The following UNKL variants were observed in gnomAD, a reference collection of about 807,000 sequenced individuals.
UNKL encodes putative E3 ubiquitin-protein ligase UNKL.
A neutral mutation model predicts 78.0 loss-of-function variants in UNKL; 60 were observed. That is an observed-to-expected ratio of 0.77 (90% CI 0.63 to 0.95). The LOEUF is 0.95. UNKL is among the 40% of genes least tolerant of loss of function. The pLI, the probability that UNKL is intolerant of heterozygous loss-of-function variation, is 0.00. For synonymous variants in UNKL, 608 were observed against 474.8 expected (o/e 1.28, Z -3.65); for missense variants, 1,159 against 1,045.7 (o/e 1.11, Z -1.49).
intron 2 of UNKL, among the ~76,000 whole-genome samples, chr16:1,412,523 A>G (rs1200145134): frequency 2.0e-5 from 3 of 152,212 alleles, no homozygotes; most frequent in Non-Finnish European, 4.4e-5. Context: ...GAGGCAGGTC[A>G]CTTAAACCTG....
intron 10 of UNKL, chr16:1,379,793 C>T (rs986653993): frequency 2.5e-6 from 2 of 806,274 alleles, no homozygotes; most frequent in African/African-American, 3.7e-5. Flanking sequence ...CAACCTTCCC[C>T]CCGACTCGGG....
At chr16:1,393,618 G>A (rs530231289) in intron 7 of UNKL, among the ~76,000 whole-genome samples, 1 of 152,202 alleles carries the variant, frequency 6.6e-6, no homozygotes, top group South Asian at 2.1e-4. Flanking sequence ...GACAGCAAAC[G>A]GGCTCTGGAA....
At chr16:1,368,608 C>CA (rs757374554) in intron 12 of UNKL, among the ~76,000 whole-genome samples, 22,071 of 42,104 alleles carry the variant, frequency 0.52, 8,098 homozygotes, top group Non-Finnish European at 0.63. Context: ...GACTCCGTCT[C>CA]AAAAAAAAAA....
chr16:1,383,894 C>T (rs764998881), intron 10 of UNKL: 4 of 400,268 alleles, frequency 1.0e-5, no homozygotes, highest in South Asian at 6.9e-5. Flanking sequence ...ACACCCTGCA[C>T]AGCAGAGGAT....
At chr16:1,369,975 C>A (rs372365016) in intron 12 of UNKL, 155 bp downstream of exon 12, 8 of 1,550,468 alleles carry the variant, frequency 5.2e-6, no homozygotes, top group Non-Finnish European at 6.1e-6. Flanking sequence ...ACTCGGTCTG[C>A]GGCGTGGGGG....
rs1200538192 is a variant in UNKL at position 1,366,345 on chromosome 16, G to C, written c.2097C>G (p.Ala699=). ...AKQCVACRER[A]HGAVLRPCQH... ...GACAGGGCCGCAGGACAGCACCGTG[G>C]GCCCGCTCCCGGCAGGCCACACACT... Residue 699 remains alanine, a synonymous_variant, in exon 15 of 15, where the codon GCC becomes GCG. Transcript: ENST00000389221. 1 of 1,604,764 alleles carries C rather than the reference G, an allele frequency of 6.2e-7. No homozygotes were observed. The highest frequency in any genetic ancestry group is 1.3e-5 in the African/African-American group (1 of 74,808).
At chr16:1,370,728 T>C (rs2035743027) in intron 11 of UNKL, among the ~76,000 whole-genome samples, 1 of 152,204 alleles carries the variant, frequency 6.6e-6, no homozygotes, top group African/African-American at 2.4e-5. Flanking sequence ...TACTTTCTTT[T>C]AAAAGAAAGA....
intron 10 of UNKL, among the ~76,000 whole-genome samples, chr16:1,384,443 T>A (rs2142086381): frequency 6.6e-6 from 1 of 152,058 alleles, no homozygotes; most frequent in African/African-American, 2.4e-5. Flanking sequence ...CCCAGCACCA[T>A]CACGTGTCTC....
chr16:1,402,143 T>C (rs1279784211), intron 3 of UNKL, among the ~76,000 whole-genome samples: 5 of 152,206 alleles, frequency 3.3e-5, no homozygotes, highest in African/African-American at 1.2e-4. Flanking sequence ...TTCGTTCTCC[T>C]GGAAAGCAGC....
intron 2 of UNKL, among the ~76,000 whole-genome samples, chr16:1,410,550 T>A (rs557646192): frequency 6.6e-6 from 1 of 152,198 alleles, no homozygotes; most frequent in South Asian, 2.1e-4. Context: ...GAGGTTGCGG[T>A]GAGCCGAGAT....
chr16:1,367,286 C>T lies in UNKL; in HGVS notation c.1852G>A (p.Asp618Asn), dbSNP rs767711461. 14 of 1,564,416 alleles carry T rather than the reference C, an allele frequency of 8.9e-6. No homozygotes were observed. Among genetic ancestry groups the T allele is most frequent in the East Asian group, 2.4e-5 (1 of 42,098 alleles). ...TTCTTCTGCAGCGCCAGCTGCCGGTCGCTATCGGCCACACGGGCACGCTCC... is the reference window on the plus strand; with the variant it reads ...TTCTTCTGCAGCGCCAGCTGCCGGTTGCTATCGGCCACACGGGCACGCTCC... ...AKERARVADSDRQLALQKKEE... is the reference protein window; with the variant it reads ...AKERARVADSNRQLALQKKEE... The change falls in exon 14 of 15, where the codon GAC becomes AAC. Residue 618 changes from aspartate (D) to asparagine (N), a missense_variant. Asp to Asn is a conservative substitution (Grantham distance 23). Coordinates refer to ENST00000389221, the MANE Select transcript of UNKL (RefSeq NM_001372107.1).
chr16:1,369,783 C>A (rs1007835771), intron 12 of UNKL: 3 of 705,130 alleles, frequency 4.3e-6, no homozygotes, highest in African/African-American at 3.6e-5. Context: ...GAGACCGGCC[C>A]GGCCAGCGTG....
intron 10 of UNKL, among the ~76,000 whole-genome samples, chr16:1,374,196 G>GCGGCACACCACACA (rs1394486370): frequency 1.3e-5 from 2 of 149,796 alleles, no homozygotes; most frequent in African/African-American, 5.1e-5. Flanking sequence ...TCAGCAGCGT[G>GCGGCACACCACACA]GGGCACACCA....
At position 1,370,822 on chromosome 16, in the gene UNKL, G is replaced by A. The variant is rs376921508; in HGVS notation, c.1358-465C>T. Among the ~76,000 whole-genome samples the A allele has an allele frequency of 2.6e-4, 39 of 152,350 alleles. No individual in the cohort carries two copies. The South Asian group carries it at 7.0e-3, about 28-fold the overall frequency. On this transcript the variant is annotated intron_variant, in intron 11 of 14. Coordinates refer to ENST00000389221, the MANE Select transcript of UNKL (RefSeq NM_001372107.1). ...TATGGGGCCGGGCGCACTGGCTCAC[G>A]CCTGTAATCCCAGCACTTTGGGAGG... is the stretch of plus-strand genomic sequence containing the variant.
In UNKL at chr16:1,370,332, T is replaced by C; in HGVS notation, c.1383A>G (p.Ala461=). Residue 461 remains alanine, a synonymous_variant, in exon 12 of 15, where the codon GCA becomes GCG. Transcript: ENST00000389221. ...GCAGGGAGCCGGGGATGGCGACAGG[T>C]GCAGAGCCGGCCAGCGACCTGGGAC... is the stretch of plus-strand genomic sequence containing the variant. ...AAGPRSLAGS[A]PVAIPGSLPR... 1 of 1,532,268 alleles carries C rather than the reference T, an allele frequency of 6.5e-7. No individual in the cohort carries two copies. Among genetic ancestry groups the C allele is most frequent in the Non-Finnish European group, 8.7e-7 (1 of 1,145,662 alleles). 94.9% of individuals were successfully genotyped at this position (1,532,268 alleles called of 1,614,324 possible). A position where few individuals can be genotyped will look rare whatever the true frequency, so the allele number is the denominator to read the frequency against.
intron 10 of UNKL, among the ~76,000 whole-genome samples, chr16:1,375,431 G>A (rs917667982): frequency 1.1e-4 from 16 of 152,322 alleles, no homozygotes; most frequent in African/African-American, 3.1e-4. Context: ...CACGCCAGCC[G>A]TGAGGGAATT....
intron 9 of UNKL, among the ~76,000 whole-genome samples, chr16:1,388,015 T>C (rs776841686): frequency 6.6e-6 from 1 of 152,116 alleles, no homozygotes; most frequent in African/African-American, 2.4e-5. Flanking sequence ...TGTGGGCGTC[T>C]CAGTCCTTGC....
chr16:1,390,664 C>G lies in UNKL; in HGVS notation c.1054G>C (p.Gly352Arg). The G allele has an allele frequency of 6.5e-7, 1 of 1,536,056 alleles. No individual in the cohort carries two copies. Among genetic ancestry groups the G allele is most frequent in the Non-Finnish European group, 8.7e-7 (1 of 1,146,898 alleles). The part of the protein sequence containing the change: ...AKRRDSPAEG[G>R]PRGSEQDSKQ... The stretch of plus-strand genomic sequence containing the variant: ...CTGTCTTGCTCGCTGCCCCTAGGGC[C>G]ACCCTCGGCCGGCGAGTCTCTCCGC... Residue 352 changes from glycine (G) to arginine (R), a missense_variant, in exon 9 of 15, where the codon GGC (glycine) becomes CGC (arginine). By Grantham distance (125) the Gly-to-Arg change is moderately radical. Coordinates refer to ENST00000389221, the MANE Select transcript of UNKL (RefSeq NM_001372107.1).
At chr16:1,389,060 G>A (rs1178370524) in intron 9 of UNKL, among the ~76,000 whole-genome samples, 1 of 75,408 alleles carries the variant, frequency 1.3e-5, no homozygotes, top group East Asian at 3.4e-4. Flanking sequence ...CCCCTCCCCC[G>A]GCCCCGGCCC....
Sources: allele counts gnomAD v4.1 joint callset (sites outside exome capture counted in the v4.1 genomes callset), GRCh38; gene constraint gnomAD v4.1.1; transcripts MANE v1.5; gene names NCBI Gene and HGNC (gene_info 2026-07-23, HGNC 2026-07-21).